The following NEGR1 variants were observed in gnomAD, a reference collection of about 807,000 sequenced individuals.
NEGR1 encodes neuronal growth regulator 1, also known as IgLON family member 4.
A neutral mutation model predicts 40.9 loss-of-function variants in NEGR1; 10 were observed. The ratio of observed to expected loss-of-function variants is 0.24; its 90% CI spans 0.15 to 0.42. NEGR1 has a LOEUF of 0.42. Ranked by LOEUF, NEGR1 falls within the 10% of genes least tolerant of loss-of-function variation. NEGR1 has a pLI of 1.00. For missense variants in NEGR1, 352 were observed against 438.9 expected, an observed-to-expected ratio of 0.80 and a Z score of 1.77; for synonymous variants, 185 against 166.8, an observed-to-expected ratio of 1.11 and a Z score of -0.84.
At chr1:72,107,794 C>A in intron 1 of NEGR1, among the ~76,000 whole-genome samples, 1 of 150,518 alleles carries the variant, frequency 6.6e-6, no homozygotes, top group African/African-American at 2.4e-5. Flanking sequence ...GGTGGATGTA[C>A]ATATATATGC....
intron 3 of NEGR1, among the ~76,000 whole-genome samples, chr1:71,705,373 C>T (rs1403728007): frequency 6.6e-6 from 1 of 152,080 alleles, no homozygotes; most frequent in African/African-American, 2.4e-5. Context: ...GAAAGCAAAA[C>T]TATATAAGAA....
chr1:72,204,659 A>C (rs947915472), intron 1 of NEGR1, among the ~76,000 whole-genome samples: 1 of 152,182 alleles, frequency 6.6e-6, no homozygotes, highest in Non-Finnish European at 1.5e-5. Flanking sequence ...GGTTATAAGG[A>C]CACACAAAAA....
intron 6 of NEGR1, among the ~76,000 whole-genome samples, chr1:71,423,756 A>AT (rs890922118): frequency 7.5e-4 from 114 of 151,094 alleles, no homozygotes; most frequent in Non-Finnish European, 1.3e-3. Context: ...ATTGGCCAGA[A>AT]TTTTTTTTTG....
intron 1 of NEGR1, among the ~76,000 whole-genome samples, chr1:71,945,008 T>C (rs1193806350): frequency 6.6e-6 from 1 of 152,124 alleles, no homozygotes; most frequent in Non-Finnish European, 1.5e-5. Context: ...CAGCTTCCTG[T>C]AAAAAAATTA....
intron 2 of NEGR1, among the ~76,000 whole-genome samples, chr1:71,895,710 G>T (rs1262313975): frequency 6.6e-6 from 1 of 152,064 alleles, no homozygotes; most frequent in South Asian, 2.1e-4. Context: ...ATGAACACTT[G>T]GATTGTTTTC....
At chr1:71,681,460 T>C (rs1272193436) in intron 4 of NEGR1, among the ~76,000 whole-genome samples, 1 of 152,232 alleles carries the variant, frequency 6.6e-6, no homozygotes, top group Non-Finnish European at 1.5e-5. Context: ...TGCTGAGAAA[T>C]CAACAGTCAG....
intron 2 of NEGR1, among the ~76,000 whole-genome samples, chr1:71,915,113 G>A (rs1204888997): frequency 6.6e-6 from 1 of 151,378 alleles, no homozygotes; most frequent in Admixed American, 6.6e-5. Context: ...TTTTTTTAAT[G>A]TTTTGTCAGG....
intron 1 of NEGR1, among the ~76,000 whole-genome samples, chr1:72,082,288 C>A (rs992182715): frequency 6.6e-6 from 1 of 152,030 alleles, no homozygotes; most frequent in Non-Finnish European, 1.5e-5. Flanking sequence ...TTATTATGCA[C>A]ACAATTCAGT....
rs58813234 is a variant in NEGR1 at position 71,560,429 on chromosome 1, T to TTA, written c.940+32386_940+32387dup. On this transcript the variant is annotated intron_variant, in intron 6 of 6. Coordinates refer to ENST00000357731, the MANE Select transcript of NEGR1 (RefSeq NM_173808.3). ...AACCCAGGCCCTGTGTAATTCTCCA[T>TTA]TATATATATATATATATATGTATAT... Among the ~76,000 whole-genome samples, 334 of 114,276 alleles carry TTA rather than the reference T, an allele frequency of 2.9e-3. 15 individuals are homozygous for TTA. The highest frequency in any genetic ancestry group is 0.011 in the East Asian group (28 of 2,580). The allele number at this position is 114,276 out of a possible 152,430, so 75.0% of individuals were successfully genotyped here.
intron 1 of NEGR1, among the ~76,000 whole-genome samples, chr1:72,022,284 T>C (rs1646767275): frequency 8.2e-6 from 1 of 121,920 alleles, no homozygotes; most frequent in Non-Finnish European, 1.8e-5. Flanking sequence ...TATATATATA[T>C]ATATATATAT....
At chr1:72,235,067 G>A (rs540227592) in intron 1 of NEGR1, among the ~76,000 whole-genome samples, 11 of 152,188 alleles carry the variant, frequency 7.2e-5, no homozygotes, top group Admixed American at 6.6e-4. Flanking sequence ...ATACACCATG[G>A]GAGATACTAT....
At chr1:71,913,928 A>G (rs1344139087) in intron 2 of NEGR1, among the ~76,000 whole-genome samples, 1 of 152,036 alleles carries the variant, frequency 6.6e-6, no homozygotes, top group African/African-American at 2.4e-5. Flanking sequence ...TTTTCCCAGT[A>G]TGTCTCTAAT....
chr1:72,218,501 A>G (rs988171761), intron 1 of NEGR1, among the ~76,000 whole-genome samples: 1 of 152,076 alleles, frequency 6.6e-6, no homozygotes, highest in African/African-American at 2.4e-5. Context: ...TATGGTAAAT[A>G]AAAATAATGT....
At chr1:71,413,236 T>C (rs1557517690) in intron 6 of NEGR1, among the ~76,000 whole-genome samples, 2 of 152,112 alleles carry the variant, frequency 1.3e-5, no homozygotes, top group African/African-American at 4.8e-5. Context: ...GCATAAACAC[T>C]CCCTCAAGGA....
rs116477313 is a variant in NEGR1, at chr1:71,400,450, A to G, written c.*6996T>C. 3.5e-3 allele frequency: 536 copies of G among 152,298 alleles called. 2 individuals carry two copies. The highest frequency in any genetic ancestry group is 0.012 in the African/African-American group (517 of 41,574). The allele number at this position is 152,298 out of a possible 1,614,324, so 9.4% of individuals were successfully genotyped here. A position where few individuals can be genotyped will look rare whatever the true frequency, so the allele number is the denominator to read the frequency against. ...TTAAATGCCCCTGTGACAAAAAAAA[A>G]AAGACTTTTTCTGTTAATTCTTTTT... On this transcript the variant is annotated 3_prime_UTR_variant, in exon 7 of 7. Coordinates refer to ENST00000357731, the MANE Select transcript of NEGR1 (RefSeq NM_173808.3).
At chr1:71,651,412 C>T (rs1262500401) in intron 4 of NEGR1, among the ~76,000 whole-genome samples, 1 of 152,078 alleles carries the variant, frequency 6.6e-6, no homozygotes, top group Non-Finnish European at 1.5e-5. Flanking sequence ...ATCCAGCACA[C>T]GGGATTGTTT....
At chr1:71,896,890 T>G (rs1367128766) in intron 2 of NEGR1, among the ~76,000 whole-genome samples, 1 of 152,160 alleles carries the variant, frequency 6.6e-6, no homozygotes, top group Non-Finnish European at 1.5e-5. Flanking sequence ...ATTTTCCATT[T>G]AAATTATTAT....
At chr1:72,271,746 G>C (rs1468442275) in intron 1 of NEGR1, among the ~76,000 whole-genome samples, 1 of 151,802 alleles carries the variant, frequency 6.6e-6, no homozygotes, top group Non-Finnish European at 1.5e-5. Context: ...ATTCCCACGT[G>C]TTGTCCCAGA....
At chr1:72,010,393 G>A (rs1646645809) in intron 1 of NEGR1, among the ~76,000 whole-genome samples, 1 of 152,068 alleles carries the variant, frequency 6.6e-6, no homozygotes. Flanking sequence ...CCCATAAAAT[G>A]TCCAATTTCA....
Sources: gnomAD v4.1 joint callset for allele counts (sites outside exome capture counted in the v4.1 genomes callset) on GRCh38, gnomAD v4.1.1 for gene constraint, MANE v1.5 for transcripts, NCBI Gene and HGNC (gene_info 2026-07-23, HGNC 2026-07-21) for gene names.